Variants in SIDT1 observed in about 807,000 individuals in gnomAD.
SIDT1 encodes the protein SID1 transmembrane family member 1.
SIDT1 carries 101 observed loss-of-function variants against 107.5 expected under a neutral mutation model. That is an observed-to-expected ratio of 0.94 (90% confidence interval 0.80 to 1.11). The LOEUF (loss-of-function observed/expected upper bound fraction) is 1.11. Among genes scored for constraint, SIDT1 ranks in the 50% least tolerant of loss-of-function variants. The pLI, the probability that SIDT1 is intolerant of heterozygous loss-of-function variation, is 0.00. For synonymous variants in SIDT1, 395 were observed against 398.2 expected (o/e 0.99, Z 0.10); for missense variants, 1,076 against 1,058.2 (o/e 1.02, Z -0.23).
chr3:113,632,652 C>G (rs936893903), downstream of SIDT1: 4 of 152,196 alleles, frequency 2.6e-5, no homozygotes, highest in Non-Finnish European at 5.9e-5. Flanking sequence ...GGGCTAGGCA[C>G]TGTGAGAAAA....
At chr3:113,533,929 G>T (rs1457223269) in intron 1 of SIDT1, among the ~76,000 whole-genome samples, 2 of 152,202 alleles carry the variant, frequency 1.3e-5, no homozygotes, top group Non-Finnish European at 1.5e-5. Flanking sequence ...GACAAAAGTT[G>T]AGGGAAGATA....
intron 16 of SIDT1, 99 bp downstream of exon 16, chr3:113,608,316 G>A (rs1945486938): frequency 6.5e-7 from 1 of 1,527,824 alleles, no homozygotes; most frequent in Non-Finnish European, 8.9e-7. Flanking sequence ...GATTTATTAT[G>A]TGTAATAAAC....
chr3:113,627,893 G>T lies in SIDT1; in HGVS notation c.*185G>T. ...AAACCTGCAAGAAAGGAGGCAGAAG[G>T]GGAGCCATGTTTTGAGGACAGACGC... On this transcript the variant is annotated 3_prime_UTR_variant, in exon 25 of 25. Transcript: ENST00000264852. 3.3e-6 allele frequency: 2 copies of T among 606,748 alleles called. No homozygotes were observed. Among genetic ancestry groups the T allele is most frequent in the East Asian group, 2.8e-5 (1 of 35,626 alleles). 37.6% of individuals were successfully genotyped at this position (606,748 alleles called of 1,614,324 possible).
chr3:113,599,947 AG>A (rs1944841776), intron 10 of SIDT1, among the ~76,000 whole-genome samples: 1 of 152,250 alleles, frequency 6.6e-6, no homozygotes, highest in African/African-American at 2.4e-5. Context: ...GCTTAGCTAT[AG>A]CAATCATTTC....
chr3:113,598,851 G>C (rs116055004), intron 10 of SIDT1, among the ~76,000 whole-genome samples: 2,153 of 152,342 alleles, frequency 0.014, 56 homozygotes, highest in African/African-American at 0.049. Flanking sequence ...CTTAGACCAG[G>C]CATGGTGGCT....
chr3:113,559,582 C>T (rs1024331053), intron 1 of SIDT1, among the ~76,000 whole-genome samples: 5 of 152,100 alleles, frequency 3.3e-5, no homozygotes, highest in Non-Finnish European at 7.4e-5. Context: ...GCTGGGACTA[C>T]AGGAGCACGC....
chr3:113,554,771 G>T (rs1243033695), intron 1 of SIDT1, among the ~76,000 whole-genome samples: 1 of 152,078 alleles, frequency 6.6e-6, no homozygotes, highest in East Asian at 1.9e-4. Flanking sequence ...TTTCGCGACA[G>T]AAGATCAACA....
intron 1 of SIDT1, among the ~76,000 whole-genome samples, chr3:113,550,705 C>T (rs980582333): frequency 1.3e-5 from 2 of 151,850 alleles, no homozygotes; most frequent in South Asian, 4.2e-4. Flanking sequence ...ATTCAAAAGA[C>T]CTTTAAAAAA....
At chr3:113,543,841 CT>C (rs1276704579) in intron 1 of SIDT1, among the ~76,000 whole-genome samples, 1 of 152,194 alleles carries the variant, frequency 6.6e-6, no homozygotes, top group Non-Finnish European at 1.5e-5. Context: ...ATTATTCATT[CT>C]CCCTATAAGC....
intron 1 of SIDT1, among the ~76,000 whole-genome samples, chr3:113,564,229 C>T (rs370729930): frequency 6.6e-6 from 1 of 152,182 alleles, no homozygotes; most frequent in African/African-American, 2.4e-5. Context: ...CGTGAGCCGC[C>T]GTGCCTGGCC....
chr3:113,604,431 C>A (rs947027012), intron 13 of SIDT1, among the ~76,000 whole-genome samples: 4 of 152,178 alleles, frequency 2.6e-5, no homozygotes, highest in African/African-American at 9.7e-5. Context: ...TCACGTGATC[C>A]GTCACTCATT....
intron 24 of SIDT1, among the ~76,000 whole-genome samples, chr3:113,626,573 T>A (rs1367034491): frequency 1.3e-5 from 2 of 152,146 alleles, no homozygotes; most frequent in African/African-American, 4.8e-5. Context: ...TATGCCATAC[T>A]CACATTCCTC....
chr3:113,572,514 A>G (rs1265267327), intron 3 of SIDT1, among the ~76,000 whole-genome samples: 2 of 152,240 alleles, frequency 1.3e-5, no homozygotes, highest in African/African-American at 4.8e-5. Flanking sequence ...TGTGAGCAAC[A>G]GGATAGCATT....
chr3:113,556,031 T>C lies in SIDT1; in HGVS notation c.223-10389T>C, dbSNP rs142032241. 1.4e-4 allele frequency among the ~76,000 whole-genome samples: 22 copies of C among 152,236 alleles called. No individual in the cohort carries two copies. In the East Asian group the frequency reaches 2.7e-3, roughly 19 times the overall value. On this transcript the variant is annotated intron_variant, in intron 1 of 24. Transcript: ENST00000264852. ...CAGACCCACATCATCCACCATTTGATGGATGAAGCTGCCCAGGGAGATAGG... is the reference window on the plus strand; with the variant it reads ...CAGACCCACATCATCCACCATTTGACGGATGAAGCTGCCCAGGGAGATAGG...
downstream of SIDT1, among the ~76,000 whole-genome samples, chr3:113,634,079 A>G (rs1188967949): frequency 6.6e-6 from 1 of 152,204 alleles, no homozygotes; most frequent in Non-Finnish European, 1.5e-5. Context: ...CATAAGAAAA[A>G]TGAAAGTCCC....
chr3:113,608,267 A>T, intron 16 of SIDT1, 50 bp downstream of exon 16: 2 of 1,556,252 alleles, frequency 1.3e-6, no homozygotes, highest in Non-Finnish European at 1.7e-6. Context: ...TCCAAACAGG[A>T]TCTGCAAAGG....
chr3:113,579,324 A>G (rs534599250), intron 4 of SIDT1, among the ~76,000 whole-genome samples: 1 of 152,340 alleles, frequency 6.6e-6, no homozygotes, highest in South Asian at 2.1e-4. Flanking sequence ...GCACAAAACC[A>G]ATTACTAGCA....
intron 9 of SIDT1, 89 bp from the exon 10 acceptor site, chr3:113,592,916 G>T: frequency 9.4e-7 from 1 of 1,067,070 alleles, no homozygotes; most frequent in South Asian, 1.3e-5. Context: ...GATCCTAGTA[G>T]ACAAATCCGC....
At chr3:113,546,845 G>A (rs1311005816) in intron 1 of SIDT1, among the ~76,000 whole-genome samples, 1 of 152,132 alleles carries the variant, frequency 6.6e-6, no homozygotes, top group Non-Finnish European at 1.5e-5. Flanking sequence ...TTGCCATGCA[G>A]TACCCCAGAG....
Sources: allele counts gnomAD v4.1 joint callset (sites outside exome capture counted in the v4.1 genomes callset), GRCh38; gene constraint gnomAD v4.1.1; transcripts MANE v1.5; gene names NCBI Gene and HGNC (gene_info 2026-07-23, HGNC 2026-07-21).